ATP10B: variants seen among roughly 807,000 people sequenced by gnomAD.
ATP10B encodes the protein ATPase phospholipid transporting 10B (putative).
A neutral mutation model predicts 141.2 loss-of-function variants in ATP10B; 122 were observed. The ratio of observed to expected loss-of-function variants is 0.86; its 90% CI spans 0.75 to 1.00. The LOEUF is 1.00. Ranked by LOEUF, ATP10B falls within the 50% of genes least tolerant of loss-of-function variation. The pLI is 0.00. For missense variants in ATP10B, 1,876 were observed against 1,825.3 expected, an observed-to-expected ratio of 1.03 and a Z score of -0.51; for synonymous variants, 685 against 692.0, an observed-to-expected ratio of 0.99 and a Z score of 0.16.
intron 2 of ATP10B, among the ~76,000 whole-genome samples, chr5:160,768,459 T>C (rs937853135): frequency 6.6e-6 from 1 of 152,170 alleles, no homozygotes; most frequent in African/African-American, 2.4e-5. Flanking sequence ...GGACTGCCCA[T>C]ACATCATGAT....
intron 24 of ATP10B, among the ~76,000 whole-genome samples, chr5:160,587,477 T>C (rs1173853740): frequency 1.3e-5 from 2 of 152,224 alleles, no homozygotes; most frequent in African/African-American, 4.8e-5. Context: ...ATAATGTTGA[T>C]GGTAGTTTGG....
chr5:160,859,556 C>G, the ATP10B span, among the ~76,000 whole-genome samples: 2 of 151,660 alleles, frequency 1.3e-5, no homozygotes, highest in African/African-American at 2.4e-5. Flanking sequence ...CTGTTCTAAT[C>G]CCAGTCTTCT....
intron 1 of ATP10B, among the ~76,000 whole-genome samples, chr5:160,818,278 A>G (rs564760638): frequency 2.6e-5 from 4 of 152,378 alleles, no homozygotes; most frequent in African/African-American, 9.6e-5. Flanking sequence ...TGCAGAATCT[A>G]CAATGAACTC....
intron 3 of ATP10B, among the ~76,000 whole-genome samples, chr5:160,716,691 T>C (rs1335198322): frequency 6.6e-6 from 1 of 152,228 alleles, no homozygotes; most frequent in Non-Finnish European, 1.5e-5. Flanking sequence ...TAGAGGTTTC[T>C]TTATGATGTA....
chr5:160,914,049 G>C, the ATP10B span, among the ~76,000 whole-genome samples: 1 of 152,168 alleles, frequency 6.6e-6, no homozygotes, highest in Admixed American at 6.5e-5. Context: ...TGTTTGACAG[G>C]TTAGGTTGAA....
the ATP10B span, among the ~76,000 whole-genome samples, chr5:160,899,559 C>G: frequency 6.6e-6 from 1 of 151,960 alleles, no homozygotes; most frequent in African/African-American, 2.4e-5. Context: ...TAGTATAATA[C>G]GTGCAATTAT....
the ATP10B span, among the ~76,000 whole-genome samples, chr5:160,897,919 T>A: frequency 6.6e-6 from 1 of 152,106 alleles, no homozygotes; most frequent in African/African-American, 2.4e-5. Flanking sequence ...TTGACAAACC[T>A]GACAAAAACA....
the ATP10B span, among the ~76,000 whole-genome samples, chr5:160,890,152 AC>A: frequency 7.9e-5 from 12 of 152,214 alleles, no homozygotes; most frequent in African/African-American, 1.2e-4. Flanking sequence ...GAAGGCAGAG[AC>A]CATGTATTAT....
chr5:160,908,449 A>G, the ATP10B span, among the ~76,000 whole-genome samples: 1 of 152,214 alleles, frequency 6.6e-6, no homozygotes, highest in African/African-American at 2.4e-5. Context: ...CAAACTATGA[A>G]AGACCTGATT....
chr5:160,750,978 C>T (rs1161171383), intron 2 of ATP10B, among the ~76,000 whole-genome samples: 1 of 152,200 alleles, frequency 6.6e-6, no homozygotes, highest in Non-Finnish European at 1.5e-5. Flanking sequence ...GAGAAATCTG[C>T]CTTCCACCCA....
Position 160,617,849 on chromosome 5 carries a change from A to T in ATP10B, c.2526+15T>A. On this transcript the variant is annotated intron_variant, in intron 16 of 25. Transcript: ENST00000327245. ...TTAATGATATTCAAAGCACGCTTGG[A>T]GGAATTGTTCTTACCTTCTTGGCAA... 2 of 1,603,596 alleles carry T rather than the reference A, an allele frequency of 1.2e-6. No individual in the cohort carries two copies. The highest frequency in any genetic ancestry group is 1.7e-6 in the Non-Finnish European group (2 of 1,170,434).
chr5:160,854,784 T>C (rs1753957219), upstream of ATP10B, among the ~76,000 whole-genome samples: 1 of 152,112 alleles, frequency 6.6e-6, no homozygotes, highest in Non-Finnish European at 1.5e-5. Flanking sequence ...TCCCTATTGG[T>C]GCTAATTTTT....
intron 18 of ATP10B, 74 bp downstream of exon 18, chr5:160,612,667 G>A: frequency 1.5e-6 from 2 of 1,371,208 alleles, no homozygotes; most frequent in Non-Finnish European, 2.0e-6. Context: ...CCACCTAGAA[G>A]CCTGTGTCCT....
chr5:160,723,985 A>G (rs1766155891), intron 2 of ATP10B, among the ~76,000 whole-genome samples: 1 of 152,216 alleles, frequency 6.6e-6, no homozygotes, highest in African/African-American at 2.4e-5. Context: ...TTGCGGGGAC[A>G]TGGATGGAGC....
chr5:160,916,804 C>T, the ATP10B span, among the ~76,000 whole-genome samples: 1 of 152,188 alleles, frequency 6.6e-6, no homozygotes, highest in Admixed American at 6.5e-5. Context: ...AGCTGAGGCT[C>T]AAGGGGCTGG....
rs560745824 is a variant in ATP10B at position 160,627,452 on chromosome 5, A to C, written c.1620+4677T>G. On this transcript the variant is annotated intron_variant, in intron 13 of 25. Transcript: ENST00000327245. The stretch of plus-strand genomic sequence containing the variant: ...GTTTGTTGACTGACCCAATAAATGA[A>C]AGGCTCTTCTAAAGAAATGTAGACA... Among the ~76,000 whole-genome samples the C allele has an allele frequency of 1.7e-3, 258 of 152,344 alleles. 4 individuals are homozygous for C. Among genetic ancestry groups the C allele is most frequent in the African/African-American group, 6.1e-3 (252 of 41,582 alleles).
chr5:160,825,874 G>A (rs1363212958), intron 1 of ATP10B, among the ~76,000 whole-genome samples: 1 of 152,172 alleles, frequency 6.6e-6, no homozygotes, highest in Non-Finnish European at 1.5e-5. Context: ...TGCACTCAAT[G>A]TTTAGCTCCA....
At chr5:160,917,269 C>T in the ATP10B span, among the ~76,000 whole-genome samples, 829 of 127,656 alleles carry the variant, frequency 6.5e-3, 7 homozygotes, top group African/African-American at 0.023. Flanking sequence ...TAGGGTACTT[C>T]TTTTTTTTTT....
At chr5:160,906,194 C>T in the ATP10B span, among the ~76,000 whole-genome samples, 75 of 152,124 alleles carry the variant, frequency 4.9e-4, no homozygotes, top group Admixed American at 2.2e-3. Flanking sequence ...GGCATGTTAA[C>T]GTTGTAAAAT....
Sources: gnomAD v4.1 joint callset for allele counts (sites outside exome capture counted in the v4.1 genomes callset) on GRCh38, gnomAD v4.1.1 for gene constraint, MANE v1.5 for transcripts, NCBI Gene and HGNC (gene_info 2026-07-23, HGNC 2026-07-21) for gene names.